Variants in H6PD observed in about 807,000 individuals in gnomAD.
H6PD encodes GDH/6PGL endoplasmic bifunctional protein.
In H6PD, 48 loss-of-function variants were observed where a neutral mutation model predicts 61.2. That is an observed-to-expected ratio of 0.78 (90% CI 0.62 to 1.00). The LOEUF (loss-of-function observed/expected upper bound fraction) is 1.00, where lower values mean the gene tolerates loss of function less well. Ranked by LOEUF, H6PD falls within the 50% of genes least tolerant of loss-of-function variation. The pLI is 0.00. For synonymous variants in H6PD, 480 were observed against 457.9 expected (o/e 1.05, Z -0.62); for missense variants, 1,093 against 1,065.0 (o/e 1.03, Z -0.37).
chr1:9,266,187 G>A lies in H6PD; in HGVS notation c.*1318G>A, dbSNP rs971807890. ...GACAGGAGCTAGGCCTCACTGGCAG[G>A]GGGGCTGCCCACAGCCTTTTCAGGG... On this transcript the variant is annotated 3_prime_UTR_variant, in exon 5 of 5. Transcript: ENST00000377403. 6.6e-6 allele frequency: 1 copy of A among 152,308 alleles called. No homozygotes were observed. 9.4% of individuals were successfully genotyped at this position (152,308 alleles called of 1,614,324 possible).
At chr1:9,261,440 C>T (rs1384671374) in intron 3 of H6PD, among the ~76,000 whole-genome samples, 1 of 152,104 alleles carries the variant, frequency 6.6e-6, no homozygotes, top group Non-Finnish European at 1.5e-5. Flanking sequence ...CTCGGAGGGG[C>T]CTTTTCATTA....
rs763187188 is a variant in H6PD at position 9,246,953 on chromosome 1, C to T, written c.628-13C>T. 16 of 1,522,382 alleles carry T rather than the reference C, an allele frequency of 1.1e-5. No homozygotes were observed. Among genetic ancestry groups the T allele is most frequent in the East Asian group, 2.3e-5 (1 of 43,878 alleles). The allele number at this position is 1,522,382 out of a possible 1,614,324, so 94.3% of individuals were successfully genotyped here. ...AGTATCCTGCAGCACGCCCAGTCTTCCCCCCCCGACAGGCTGTGGCGCAGA... is the reference window on the plus strand; with the variant it reads ...AGTATCCTGCAGCACGCCCAGTCTTTCCCCCCCGACAGGCTGTGGCGCAGA... On this transcript the variant is annotated splice_polypyrimidine_tract_variant and intron_variant, in intron 2 of 4. Coordinates refer to ENST00000377403, the MANE Select transcript of H6PD (RefSeq NM_004285.4).
chr1:9,236,149 C>T (rs369017422), intron 1 of H6PD, among the ~76,000 whole-genome samples: 4 of 152,036 alleles, frequency 2.6e-5, no homozygotes, highest in African/African-American at 7.2e-5. Context: ...CCACCACACC[C>T]GGCTAATTTT....
At chr1:9,242,283 A>G (rs1165495825) in intron 1 of H6PD, among the ~76,000 whole-genome samples, 4 of 152,194 alleles carry the variant, frequency 2.6e-5, no homozygotes, top group African/African-American at 9.7e-5. Flanking sequence ...CCTTTTAAAA[A>G]GATCCCCAGG....
intron 2 of H6PD, among the ~76,000 whole-genome samples, chr1:9,246,500 C>A (rs1322843879): frequency 6.6e-6 from 1 of 152,174 alleles, no homozygotes; most frequent in East Asian, 1.9e-4. Flanking sequence ...TGGGCATAGG[C>A]AGTTGTTGAG....
rs1418650800 is a variant in H6PD, at chr1:9,264,722, A to G, written c.2229A>G (p.Ala743=). ...LPLINRAKKV[A]VLVMGRMKRE... Reference sequence around the variant, plus strand: ...TCATCAACCGCGCCAAGAAGGTGGCAGTCCTGGTCATGGGCAGGATGAAGC... The same window carrying G: ...TCATCAACCGCGCCAAGAAGGTGGCGGTCCTGGTCATGGGCAGGATGAAGC... The change falls in exon 5 of 5, where the codon GCA becomes GCG. Residue 743 remains alanine (A), a synonymous_variant. Transcript: ENST00000377403. The G allele has an allele frequency of 1.2e-6, 2 of 1,613,228 alleles. No homozygotes were observed. The highest frequency in any genetic ancestry group is 2.7e-5 in the African/African-American group (2 of 74,938).
intron 1 of H6PD, among the ~76,000 whole-genome samples, chr1:9,238,207 A>G (rs1640903648): frequency 1.3e-5 from 2 of 152,216 alleles, no homozygotes; most frequent in African/African-American, 4.8e-5. Flanking sequence ...CGGAGAGAAC[A>G]AGTGCAAAGG....
chr1:9,244,044 A>C (rs113676650), intron 1 of H6PD, among the ~76,000 whole-genome samples: 204 of 152,266 alleles, frequency 1.3e-3, no homozygotes, highest in African/African-American at 4.4e-3. Context: ...TTCCATTTGC[A>C]GAATGGGAGG....
chr1:9,239,053 G>GA (rs1640923672), intron 1 of H6PD, among the ~76,000 whole-genome samples: 1 of 146,804 alleles, frequency 6.8e-6, no homozygotes, highest in African/African-American at 2.5e-5. Context: ...TAATTTAATG[G>GA]TTTTTTTTTT....
chr1:9,247,440 C>T (rs1425270192), intron 3 of H6PD, among the ~76,000 whole-genome samples: 2 of 152,144 alleles, frequency 1.3e-5, no homozygotes, highest in East Asian at 1.9e-4. Context: ...GCAGCCGTGG[C>T]GCCCCCTGCC....
At chr1:9,244,649 C>T (rs970552275) in intron 1 of H6PD, among the ~76,000 whole-genome samples, 5 of 152,216 alleles carry the variant, frequency 3.3e-5, no homozygotes, top group Non-Finnish European at 5.9e-5. Flanking sequence ...TTGCCGCTTT[C>T]CTATGCTCCT....
chr1:9,258,200 T>TA (rs1345983152), intron 3 of H6PD, among the ~76,000 whole-genome samples: 1 of 152,196 alleles, frequency 6.6e-6, no homozygotes, highest in Non-Finnish European at 1.5e-5. Flanking sequence ...CCGGTGTTGT[T>TA]ACGCCAGTGT....
intron 3 of H6PD, among the ~76,000 whole-genome samples, chr1:9,247,566 C>A (rs746347906): frequency 6.6e-6 from 1 of 152,154 alleles, no homozygotes; most frequent in African/African-American, 2.4e-5. Flanking sequence ...CTCCCCTCAC[C>A]CTCACGGCGC....
In H6PD at chr1:9,250,742, C is replaced by T. The variant is rs544066457; in HGVS notation, c.745+3659C>T. Among the ~76,000 whole-genome samples, 9 of 152,308 alleles carry T rather than the reference C, an allele frequency of 5.9e-5. No homozygotes were observed. The East Asian group carries it at 7.7e-4, about 13-fold the overall frequency. ...CCAGGCCTGGGAAATGGAGCATTCC[C>T]GGTCCAGAGCTGCTGCAGGCCCCGG... On this transcript the variant is annotated intron_variant, in intron 3 of 4. Coordinates refer to ENST00000377403, the MANE Select transcript of H6PD (RefSeq NM_004285.4).
chr1:9,246,398 A>G (rs577503673), intron 2 of H6PD, among the ~76,000 whole-genome samples: 1 of 152,326 alleles, frequency 6.6e-6, no homozygotes, highest in South Asian at 2.1e-4. Context: ...TGACCAGTTC[A>G]CTCAAAATGC....
intron 1 of H6PD, chr1:9,243,098 C>T (rs1641047675): frequency 8.1e-6 from 3 of 369,984 alleles, no homozygotes; most frequent in Non-Finnish European, 7.5e-6. Context: ...CCTGTAGACA[C>T]TGGCTCAGAC....
At position 9,263,395 on chromosome 1, in the gene H6PD, G is replaced by A. The variant is rs1638402803; in HGVS notation, c.1016-114G>A. On this transcript the variant is annotated intron_variant, in intron 4 of 4. Transcript: ENST00000377403. ...GCGAGGGGTGAGCATGGCAAGGCGA[G>A]GGGCTTCCCTGAGGCAGGGGGACGC... 4.4e-6 allele frequency: 4 copies of A among 900,114 alleles called. No homozygotes were observed. The South Asian group carries it at 5.9e-5, about 13-fold the overall frequency. The allele number at this position is 900,114 out of a possible 1,614,324, so 55.8% of individuals were successfully genotyped here.
chr1:9,239,088 C>T (rs552640349), intron 1 of H6PD, among the ~76,000 whole-genome samples: 1 of 151,774 alleles, frequency 6.6e-6, no homozygotes, highest in African/African-American at 2.4e-5. Context: ...ACTCTGTCAC[C>T]CAGGCTGGAG....
chr1:9,246,487 G>A (rs1641180104), intron 2 of H6PD, among the ~76,000 whole-genome samples: 1 of 152,184 alleles, frequency 6.6e-6, no homozygotes, highest in Non-Finnish European at 1.5e-5. Context: ...TACGTGGTGC[G>A]GGTGGGCATA....
Sources: allele counts gnomAD v4.1 joint callset (sites outside exome capture counted in the v4.1 genomes callset), GRCh38; gene constraint gnomAD v4.1.1; transcripts MANE v1.5; gene names NCBI Gene and HGNC (gene_info 2026-07-23, HGNC 2026-07-21).